The following FER variants were observed in gnomAD, a reference collection of about 807,000 sequenced individuals.
FER encodes tyrosine-protein kinase Fer.
A neutral mutation model predicts 111.0 loss-of-function variants in FER; 63 were observed. The observed-to-expected ratio is 0.57, with a 90% CI of 0.46 to 0.70. FER has a LOEUF of 0.70. Ranked by LOEUF, FER falls within the 30% of genes least tolerant of loss-of-function variation. FER has a pLI of 0.00. For missense variants in FER, 914 were observed against 954.0 expected, an observed-to-expected ratio of 0.96 and a Z score of 0.55; for synonymous variants, 327 against 313.9, an observed-to-expected ratio of 1.04 and a Z score of -0.44.
At chr5:108,923,804 A>AT (rs1187344147) in intron 10 of FER, among the ~76,000 whole-genome samples, 1 of 152,134 alleles carries the variant, frequency 6.6e-6, no homozygotes, top group Non-Finnish European at 1.5e-5. Flanking sequence ...CTTAGAGATC[A>AT]TTTACACATA....
chr5:108,941,196 T>C (rs1304049844), intron 10 of FER, among the ~76,000 whole-genome samples: 2 of 152,156 alleles, frequency 1.3e-5, no homozygotes, highest in Non-Finnish European at 2.9e-5. Context: ...CTCAAAGTAT[T>C]TGAAGGCTGT....
rs111585593 is a variant in FER, at chr5:108,817,689, C to T, written c.208-15081C>T. 9.2e-5 allele frequency among the ~76,000 whole-genome samples: 14 copies of T among 152,256 alleles called. 1 individual carries two copies. The highest frequency in any genetic ancestry group is 2.0e-4 in the Admixed American group (3 of 15,300). On this transcript the variant is annotated intron_variant, in intron 3 of 19. Transcript: ENST00000281092. ...TACTTTTGGTATAATAAACTCAGAG[C>T]ACTTAAATTAATACCTGTTTATGGA...
At chr5:108,820,267 A>G in intron 3 of FER, 2 of 985,430 alleles carry the variant, frequency 2.0e-6, no homozygotes, top group East Asian at 1.1e-4. Context: ...GGAAGTAGCT[A>G]TTAATAAATA....
intron 17 of FER, among the ~76,000 whole-genome samples, chr5:109,153,432 CAA>C (rs991866127): frequency 3.3e-5 from 5 of 151,578 alleles, no homozygotes; most frequent in Admixed American, 2.0e-4. Context: ...ACAACAGCAA[CAA>C]AATTCATTCT....
At chr5:108,753,587 C>T (rs1268829280) in intron 1 of FER, among the ~76,000 whole-genome samples, 3 of 152,122 alleles carry the variant, frequency 2.0e-5, no homozygotes, top group Admixed American at 6.5e-5. Flanking sequence ...CTAACTAGTG[C>T]CCCCGCAAAC....
intron 17 of FER, among the ~76,000 whole-genome samples, chr5:109,136,121 T>G (rs555638604): frequency 6.6e-6 from 1 of 151,918 alleles, no homozygotes; most frequent in South Asian, 2.1e-4. Flanking sequence ...TCGAGCGTAG[T>G]GGCACTCACC....
At chr5:108,900,451 G>C (rs1376061153) in intron 10 of FER, among the ~76,000 whole-genome samples, 1 of 152,180 alleles carries the variant, frequency 6.6e-6, no homozygotes, top group African/African-American at 2.4e-5. Flanking sequence ...GAAAAGCCTG[G>C]AATTCACATA....
intron 8 of FER, among the ~76,000 whole-genome samples, chr5:108,876,057 T>C (rs1183324855): frequency 6.6e-6 from 1 of 152,202 alleles, no homozygotes. Context: ...GATATCTCAA[T>C]TGAAGAATGG....
intron 2 of FER, among the ~76,000 whole-genome samples, chr5:108,780,850 GTT>G (rs75740995): frequency 6.9e-6 from 1 of 145,164 alleles, no homozygotes; most frequent in Non-Finnish European, 1.5e-5. Flanking sequence ...TTGCTTTGTA[GTT>G]TTTTTTTTTA....
intron 10 of FER, among the ~76,000 whole-genome samples, chr5:108,942,753 G>T (rs920282515): frequency 4.6e-5 from 7 of 152,074 alleles, no homozygotes; most frequent in African/African-American, 1.2e-4. Flanking sequence ...ATTATGAGCT[G>T]TAATGTAGAA....
chr5:109,092,866 C>T (rs1484725068), intron 16 of FER, among the ~76,000 whole-genome samples: 2 of 152,062 alleles, frequency 1.3e-5, no homozygotes, highest in Admixed American at 1.3e-4. Context: ...GTAATATCCA[C>T]GGACAGATGA....
At chr5:109,183,993 T>C (rs1298392532) in intron 18 of FER, among the ~76,000 whole-genome samples, 1 of 151,748 alleles carries the variant, frequency 6.6e-6, no homozygotes, top group Non-Finnish European at 1.5e-5. Context: ...CTCTCTCATA[T>C]ACTTTAAAAA....
Position 109,076,986 on chromosome 5 carries a change from T to C in FER, c.1925-23410T>C, listed in dbSNP as rs182521734. 2.6e-3 allele frequency among the ~76,000 whole-genome samples: 390 copies of C among 152,320 alleles called. 1 individual carries two copies. The highest frequency in any genetic ancestry group is 4.8e-3 in the Non-Finnish European group (327 of 68,026). On this transcript the variant is annotated intron_variant, in intron 16 of 19. Coordinates refer to ENST00000281092, the MANE Select transcript of FER (RefSeq NM_005246.4). ...CCAATACACAGAGCTAACTTATTTA[T>C]CACAGAGAGCCTCTGAATCAGGCCA...
intron 1 of FER, among the ~76,000 whole-genome samples, chr5:108,767,679 A>G (rs992306509): frequency 6.6e-6 from 1 of 152,168 alleles, no homozygotes; most frequent in Non-Finnish European, 1.5e-5. Flanking sequence ...ACTAGGTTTC[A>G]CTGTGTTGCC....
chr5:108,827,639 T>C (rs1490103666), intron 3 of FER, among the ~76,000 whole-genome samples: 1 of 152,078 alleles, frequency 6.6e-6, no homozygotes, highest in Non-Finnish European at 1.5e-5. Flanking sequence ...GACTACAGGG[T>C]CTTGTTGTTC....
intron 10 of FER, among the ~76,000 whole-genome samples, chr5:108,899,899 G>A (rs1282236266): frequency 2.0e-5 from 3 of 152,150 alleles, no homozygotes; most frequent in Non-Finnish European, 4.4e-5. Flanking sequence ...ATGTTTCTGA[G>A]GTAGTGTATA....
In FER at chr5:108,998,455, C is replaced by T. The variant is rs767804891; in HGVS notation, c.1657-38967C>T. On this transcript the variant is annotated intron_variant, in intron 13 of 19. Transcript: ENST00000281092. ...GGTGAGGCGACATCCCATCCTTCTT[C>T]GGCTCGCCCTCCATTGGCCGCACCC... Among the ~76,000 whole-genome samples, 8 of 152,264 alleles carry T rather than the reference C, an allele frequency of 5.3e-5. 1 individual carries two copies. Among genetic ancestry groups the T allele is most frequent in the Non-Finnish European group, 1.0e-4 (7 of 68,022 alleles).
rs1747099570 is a variant in FER, at chr5:108,886,044, C to A, written c.1046+2526C>A. On this transcript the variant is annotated intron_variant, in intron 9 of 19. Coordinates refer to ENST00000281092, the MANE Select transcript of FER (RefSeq NM_005246.4). ...TACTTTTTATAATTTTGCAAAAGGACACATTATAATGACTCCTATTTTAAA... is the reference window on the plus strand; with the variant it reads ...TACTTTTTATAATTTTGCAAAAGGAAACATTATAATGACTCCTATTTTAAA... Among the ~76,000 whole-genome samples, 3 of 151,880 alleles carry A rather than the reference C, an allele frequency of 2.0e-5. No homozygotes were observed. In the South Asian group the frequency reaches 6.2e-4, roughly 32 times the overall value.
intron 16 of FER, among the ~76,000 whole-genome samples, chr5:109,062,942 T>C (rs1581863570): frequency 6.6e-6 from 1 of 152,282 alleles, no homozygotes; most frequent in African/African-American, 2.4e-5. Context: ...CTTTGGAACT[T>C]TTAGAATTTT....
Sources: gnomAD v4.1 joint callset for allele counts (sites outside exome capture counted in the v4.1 genomes callset) on GRCh38, gnomAD v4.1.1 for gene constraint, MANE v1.5 for transcripts, NCBI Gene and HGNC (gene_info 2026-07-23, HGNC 2026-07-21) for gene names.